NOX4: variants seen among roughly 807,000 people sequenced by gnomAD.
NOX4 encodes the protein NADPH oxidase 4, also known as kidney oxidase-1.
In NOX4, 69 loss-of-function variants were observed where a neutral mutation model predicts 87.6. The observed-to-expected ratio is 0.79, with a 90% CI of 0.65 to 0.96. The LOEUF (loss-of-function observed/expected upper bound fraction) is 0.96, where lower values mean the gene tolerates loss of function less well. NOX4 is among the 40% of genes least tolerant of loss of function. NOX4 has a pLI of 0.00. For synonymous variants in NOX4, 275 were observed against 238.2 expected (o/e 1.15, Z -1.42); for missense variants, 680 against 681.5 (o/e 1.00, Z 0.02).
chr11:89,561,212 A>G, the NOX4 span, among the ~76,000 whole-genome samples: 1 of 150,920 alleles, frequency 6.6e-6, no homozygotes, highest in Non-Finnish European at 1.5e-5. Flanking sequence ...ATAAAGGATT[A>G]CAATACATTT....
chr11:89,448,843 G>A (rs537489908), intron 4 of NOX4, among the ~76,000 whole-genome samples: 47 of 152,098 alleles, frequency 3.1e-4, no homozygotes, highest in African/African-American at 8.4e-4. Context: ...AGATTGTACC[G>A]CTGTACTCCA....
chr11:89,446,738 G>C (rs1472514154), intron 4 of NOX4, among the ~76,000 whole-genome samples: 1 of 152,136 alleles, frequency 6.6e-6, no homozygotes. Context: ...TAAATAGGCA[G>C]AGCACAGAGG....
chr11:89,404,434 G>A (rs909130553), intron 8 of NOX4, among the ~76,000 whole-genome samples: 2 of 152,048 alleles, frequency 1.3e-5, no homozygotes, highest in Non-Finnish European at 2.9e-5. Context: ...GATCTAGTTT[G>A]GAAGATATCT....
chr11:89,353,283 A>G (rs943643067), intron 13 of NOX4, among the ~76,000 whole-genome samples: 1 of 152,144 alleles, frequency 6.6e-6, no homozygotes, highest in African/African-American at 2.4e-5. Flanking sequence ...TCTTTTGTAA[A>G]AGGAAGAGCC....
At chr11:89,340,519 C>A (rs982328522) in intron 14 of NOX4, among the ~76,000 whole-genome samples, 4 of 152,104 alleles carry the variant, frequency 2.6e-5, no homozygotes, top group Non-Finnish European at 5.9e-5. Context: ...TTGGGCTCTG[C>A]ATCTCAGAAA....
chr11:89,421,364 T>C (rs1943076198), intron 8 of NOX4, among the ~76,000 whole-genome samples: 1 of 152,232 alleles, frequency 6.6e-6, no homozygotes, highest in African/African-American at 2.4e-5. Flanking sequence ...ACTTTAGGTA[T>C]ACTCTTTGTA....
At chr11:89,370,129 A>T (rs183292777) in intron 12 of NOX4, among the ~76,000 whole-genome samples, 23 of 152,040 alleles carry the variant, frequency 1.5e-4, no homozygotes, top group African/African-American at 4.8e-4. Context: ...ATATTATGTG[A>T]CTGAGGCAAA....
intron 6 of NOX4, among the ~76,000 whole-genome samples, chr11:89,433,501 C>A (rs1419696726): frequency 6.6e-6 from 1 of 152,024 alleles, no homozygotes; most frequent in Non-Finnish European, 1.5e-5. Flanking sequence ...CCCTCATGCT[C>A]TCCTTCCTCT....
chr11:89,426,667 G>T (rs918446658), intron 7 of NOX4, among the ~76,000 whole-genome samples: 5 of 152,114 alleles, frequency 3.3e-5, no homozygotes, highest in African/African-American at 7.2e-5. Context: ...CAGCAGCAAG[G>T]CTTGGGGAGG....
the NOX4 span, among the ~76,000 whole-genome samples, chr11:89,503,272 T>C: frequency 2.6e-5 from 4 of 151,960 alleles, no homozygotes; most frequent in Non-Finnish European, 5.9e-5. Flanking sequence ...AGTCCTCAAC[T>C]AGACTCTCCC....
chr11:89,548,639 T>G, the NOX4 span: 1 of 152,108 alleles, frequency 6.6e-6, no homozygotes, highest in African/African-American at 2.4e-5. Context: ...TAAAAAGAAG[T>G]GAGATATTTG....
intron 7 of NOX4, among the ~76,000 whole-genome samples, chr11:89,429,819 A>G (rs184304066): frequency 1.0e-3 from 153 of 152,302 alleles, no homozygotes; most frequent in African/African-American, 3.5e-3. Context: ...ATTCCAATCA[A>G]TAGAAAAAGA....
intron 12 of NOX4, among the ~76,000 whole-genome samples, chr11:89,356,273 T>C (rs1938042510): frequency 6.6e-6 from 1 of 151,952 alleles, no homozygotes. Flanking sequence ...AATTGTAATA[T>C]CATAAATGAA....
the NOX4 span, among the ~76,000 whole-genome samples, chr11:89,570,845 G>A: frequency 2.6e-5 from 4 of 152,134 alleles, no homozygotes; most frequent in Admixed American, 2.6e-4. Flanking sequence ...CAAACAAATA[G>A]TATGGTTTAT....
At chr11:89,424,126 T>A (rs1467893909) in intron 7 of NOX4, among the ~76,000 whole-genome samples, 1 of 151,772 alleles carries the variant, frequency 6.6e-6, no homozygotes, top group African/African-American at 2.4e-5. Flanking sequence ...TAGTACACAG[T>A]CTTTATTCAA....
intron 17 of NOX4, among the ~76,000 whole-genome samples, chr11:89,330,797 C>T (rs142423339): frequency 0.073 from 11,157 of 151,852 alleles, 548 homozygotes; most frequent in East Asian, 0.14. Flanking sequence ...ACTGTATTTT[C>T]ATTAAATTAA....
At chr11:89,580,681 A>G in the NOX4 span, among the ~76,000 whole-genome samples, 2 of 152,310 alleles carry the variant, frequency 1.3e-5, no homozygotes, top group African/African-American at 2.4e-5. Context: ...TGAAGCATTC[A>G]TGGTATTTTT....
intron 13 of NOX4, among the ~76,000 whole-genome samples, chr11:89,343,620 T>C (rs1409144172): frequency 6.6e-6 from 1 of 152,192 alleles, no homozygotes; most frequent in Non-Finnish European, 1.5e-5. Context: ...TTTAATCTGA[T>C]TAATATGTGT....
chr11:89,453,255 T>C (rs1945048277), intron 2 of NOX4, among the ~76,000 whole-genome samples: 1 of 152,180 alleles, frequency 6.6e-6, no homozygotes, highest in African/African-American at 2.4e-5. Context: ...TCTACTTCTA[T>C]GATTTCAACT....
Sources: allele counts gnomAD v4.1 joint callset (sites outside exome capture counted in the v4.1 genomes callset), GRCh38; gene constraint gnomAD v4.1.1; transcripts MANE v1.5; gene names NCBI Gene and HGNC (gene_info 2026-07-23, HGNC 2026-07-21).